TMEM163: variants seen among roughly 807,000 people sequenced by gnomAD.
TMEM163 encodes the protein transmembrane protein 163.
Under a neutral mutation model 29.3 loss-of-function variants are expected in TMEM163, and 17 were observed. The ratio of observed to expected loss-of-function variants is 0.58; its 90% CI spans 0.40 to 0.87. The LOEUF (loss-of-function observed/expected upper bound fraction) is 0.87. Among genes scored for constraint, TMEM163 ranks in the 40% least tolerant of loss-of-function variants. TMEM163 has a pLI of 0.00. For synonymous variants in TMEM163, 157 were observed against 160.6 expected (o/e 0.98, Z 0.17); for missense variants, 303 against 381.5 (o/e 0.79, Z 1.71).
intron 2 of TMEM163, among the ~76,000 whole-genome samples, chr2:134,599,930 T>TAC (rs1172906549): frequency 4.3e-4 from 65 of 150,956 alleles, no homozygotes; most frequent in East Asian, 2.9e-3. Context: ...CACACATATA[T>TAC]ACACACACAC....
At chr2:134,495,035 G>C (rs981152376) in intron 5 of TMEM163, among the ~76,000 whole-genome samples, 2 of 152,188 alleles carry the variant, frequency 1.3e-5, no homozygotes, top group Non-Finnish European at 1.5e-5. Context: ...GCCTCCAAAG[G>C]GTTGCCGTGA....
rs868419450 is a variant in TMEM163, at chr2:134,534,733, G to A, written c.458+15837C>T. ...CGCACCTCTGCACTCTAACCTGGGC[G>A]ACACAGTGAGACTCCATCTCAAAAA... On this transcript the variant is annotated intron_variant, in intron 4 of 7. Transcript: ENST00000281924. Among the ~76,000 whole-genome samples, 10 of 151,916 alleles carry A rather than the reference G, an allele frequency of 6.6e-5. 1 individual carries two copies. Among genetic ancestry groups the A allele is most frequent in the Admixed American group, 2.6e-4 (4 of 15,244 alleles).
At chr2:134,511,017 T>C (rs1465393744) in intron 4 of TMEM163, among the ~76,000 whole-genome samples, 1 of 152,186 alleles carries the variant, frequency 6.6e-6, no homozygotes, top group Non-Finnish European at 1.5e-5. Context: ...GATTCTTGTG[T>C]TCCAGGGCAA....
intron 5 of TMEM163, among the ~76,000 whole-genome samples, chr2:134,483,462 T>C (rs1028475829): frequency 2.0e-5 from 3 of 152,158 alleles, no homozygotes. Flanking sequence ...AACACCCCAG[T>C]ATCAAACTAG....
intron 2 of TMEM163, among the ~76,000 whole-genome samples, chr2:134,552,788 A>T (rs1036099794): frequency 2.0e-5 from 3 of 151,148 alleles, no homozygotes; most frequent in African/African-American, 7.3e-5. Context: ...CAGCCTCCCA[A>T]GTAGTTGGGA....
chr2:134,550,582 T>A lies in TMEM163; in HGVS notation c.446A>T (p.His149Leu). Residue 149 changes from histidine to leucine, a missense_variant, in exon 4 of 8, where the codon CAT becomes CTT. Physicochemically the swap from His to Leu is moderately conservative, Grantham distance 99. Around this residue, in one of 2 missense-constraint regions of TMEM163, gnomAD observed 203 missense variants for 294.3 expected, o/e 0.69. Transcript: ENST00000281924. ...AGAATCTACTTACATGTACTCCCTA[T>A]GGGCAGAGTGCACAGCGGCCGCGTT... ...YSNAAAVHSA[H>L]REYIACVILG... is the part of the protein sequence containing the mutation. 1 of 1,614,096 alleles carries A rather than the reference T, an allele frequency of 6.2e-7. No homozygotes were observed. The highest frequency in any genetic ancestry group is 8.5e-7 in the Non-Finnish European group (1 of 1,179,996).
intron 1 of TMEM163, among the ~76,000 whole-genome samples, 179 bp downstream of exon 1, chr2:134,718,555 C>T (rs1685088932): frequency 6.6e-6 from 1 of 152,148 alleles, no homozygotes; most frequent in South Asian, 2.1e-4. Flanking sequence ...CGAGGCGGTG[C>T]CGGCCGCAGA....
At chr2:134,493,081 A>G (rs1420805850) in intron 5 of TMEM163, among the ~76,000 whole-genome samples, 2 of 152,160 alleles carry the variant, frequency 1.3e-5, no homozygotes, top group African/African-American at 2.4e-5. Flanking sequence ...TTATCCCCCA[A>G]TGACTAGGGT....
intron 4 of TMEM163, among the ~76,000 whole-genome samples, chr2:134,524,320 G>C (rs1680246893): frequency 1.7e-5 from 2 of 115,106 alleles, no homozygotes; most frequent in Non-Finnish European, 3.4e-5. Flanking sequence ...GGAAATGCAA[G>C]AGTTTTTGTT....
At chr2:134,474,534 C>G (rs565216544) in intron 5 of TMEM163, among the ~76,000 whole-genome samples, 4 of 152,240 alleles carry the variant, frequency 2.6e-5, no homozygotes, top group Admixed American at 6.5e-5. Context: ...GAGGGAATAG[C>G]CAGTATACAG....
chr2:134,706,834 G>A (rs1368709194), intron 2 of TMEM163, among the ~76,000 whole-genome samples: 2 of 152,222 alleles, frequency 1.3e-5, no homozygotes, highest in Non-Finnish European at 2.9e-5. Flanking sequence ...AAAGGGGCCT[G>A]TCTGAAATAT....
Position 134,654,321 on chromosome 2 carries a change from T to G in TMEM163, c.322+58879A>C, listed in dbSNP as rs1336455288. ...ATGTAATGGCCTTCTTTGTCTCTTT[T>G]GATCTTTGTTGGTTTAAAGTCTGTT... is the stretch of plus-strand genomic sequence containing the variant. On this transcript the variant is annotated intron_variant, in intron 2 of 7. Coordinates refer to ENST00000281924, the MANE Select transcript of TMEM163 (RefSeq NM_030923.5). Among the ~76,000 whole-genome samples, 4 of 100,194 alleles carry G rather than the reference T, an allele frequency of 4.0e-5. No individual in the cohort carries two copies. The East Asian group carries it at 7.0e-4, about 18-fold the overall frequency. 65.7% of individuals were successfully genotyped at this position (100,194 alleles called of 152,430 possible).
intron 2 of TMEM163, among the ~76,000 whole-genome samples, chr2:134,652,846 A>C (rs1193806283): frequency 1.0e-5 from 1 of 97,298 alleles, no homozygotes; most frequent in Admixed American, 1.0e-4. Context: ...GCTGGATTAC[A>C]TTTATTGATT....
At chr2:134,457,997 G>T in intron 7 of TMEM163, 35 bp downstream of exon 7, 2 of 1,613,650 alleles carry the variant, frequency 1.2e-6, no homozygotes, top group African/African-American at 2.7e-5. Flanking sequence ...ACTCCTAGCT[G>T]CCAGGAAAGC....
rs371463371 is a variant in TMEM163, at chr2:134,529,420, T to C, written c.458+21150A>G. ...CTCCAAAAGCTAACCATTCTCTGGG[T>C]GGTAGGATGAGGGGTGACTCTTCAT... On this transcript the variant is annotated intron_variant, in intron 4 of 7. Transcript: ENST00000281924. Among the ~76,000 whole-genome samples, 51 of 152,170 alleles carry C rather than the reference T, an allele frequency of 3.4e-4. 1 individual carries two copies. The South Asian group carries it at 9.0e-3, about 27-fold the overall frequency.
At chr2:134,716,828 A>G (rs1452994928) in intron 1 of TMEM163, among the ~76,000 whole-genome samples, 1 of 152,220 alleles carries the variant, frequency 6.6e-6, no homozygotes, top group Admixed American at 6.5e-5. Flanking sequence ...TATTCACCAC[A>G]TACTGGTTGC....
At chr2:134,585,666 CG>C (rs1223530050) in intron 2 of TMEM163, among the ~76,000 whole-genome samples, 2 of 150,872 alleles carry the variant, frequency 1.3e-5, no homozygotes, top group South Asian at 4.2e-4. Context: ...GGCGTGAACC[CG>C]GGAGGCGGAG....
chr2:134,517,939 G>T (rs954466849), intron 4 of TMEM163, among the ~76,000 whole-genome samples: 4 of 141,614 alleles, frequency 2.8e-5, no homozygotes, highest in Admixed American at 7.2e-5. Context: ...TCACTACAGA[G>T]TTGTCAGATG....
chr2:134,700,271 A>G (rs1392498384), intron 2 of TMEM163, among the ~76,000 whole-genome samples: 3 of 152,096 alleles, frequency 2.0e-5, no homozygotes, highest in African/African-American at 7.2e-5. Context: ...CAGCTCCAAA[A>G]CAGTTTCAGA....
Sources: allele counts gnomAD v4.1 joint callset (sites outside exome capture counted in the v4.1 genomes callset), GRCh38; gene constraint gnomAD v4.1.1; regional missense constraint gnomAD v4.1.1; transcripts MANE v1.5; gene names NCBI Gene and HGNC (gene_info 2026-07-23, HGNC 2026-07-21).